CSMD1: variants seen among roughly 807,000 people sequenced by gnomAD.
The protein encoded by CSMD1 is CUB and sushi domain-containing protein 1.
A neutral mutation model predicts 417.5 loss-of-function variants in CSMD1; 213 were observed. The ratio of observed to expected loss-of-function variants is 0.51; its 90% CI spans 0.46 to 0.57. The LOEUF is 0.57. CSMD1 is among the 20% of genes least tolerant of loss of function. The pLI is 0.00. For synonymous variants in CSMD1, 2,862 were observed against 1,736.8 expected, an observed-to-expected ratio of 1.65 and a Z score of -16.11; for missense variants, 6,923 against 4,529.7, an observed-to-expected ratio of 1.53 and a Z score of -15.17.
At chr8:3,065,284 T>C (rs567656257) in intron 49 of CSMD1, among the ~76,000 whole-genome samples, 109 of 131,648 alleles carry the variant, frequency 8.3e-4, no homozygotes, top group African/African-American at 3.0e-3. Flanking sequence ...ATATGATACA[T>C]AGATAGATAG....
intron 3 of CSMD1, among the ~76,000 whole-genome samples, chr8:4,268,796 G>C (rs534647849): frequency 6.6e-6 from 1 of 151,008 alleles, no homozygotes. Context: ...ACATCACAAA[G>C]GACATTATAA....
chr8:3,597,407 A>G (rs1481672664), intron 8 of CSMD1, among the ~76,000 whole-genome samples: 1 of 78,320 alleles, frequency 1.3e-5, no homozygotes, highest in Non-Finnish European at 2.3e-5. Context: ...TGGAATCCCA[A>G]ATAAAGTAGG....
chr8:3,689,152 C>T (rs1006261900), intron 7 of CSMD1, among the ~76,000 whole-genome samples: 15 of 152,146 alleles, frequency 9.9e-5, no homozygotes, highest in Non-Finnish European at 1.2e-4. Flanking sequence ...TGTGAGACAA[C>T]GCGCTCTAAG....
chr8:4,223,353 C>G (rs1202655166), intron 3 of CSMD1, among the ~76,000 whole-genome samples: 1 of 152,252 alleles, frequency 6.6e-6, no homozygotes, highest in South Asian at 2.1e-4. Flanking sequence ...AATTTAAACT[C>G]CTACCTGTAG....
At position 4,836,137 on chromosome 8, in the gene CSMD1, G is replaced by A. The variant is rs1218588076; in HGVS notation, c.85+158195C>T. Among the ~76,000 whole-genome samples, 3 of 152,034 alleles carry A rather than the reference G, an allele frequency of 2.0e-5. 1 individual carries two copies. Among genetic ancestry groups the A allele is most frequent in the Admixed American group, 2.0e-4 (3 of 15,268 alleles). ...TTCAGCTTTCCAATTTGAAATATAG[G>A]TTTTATAAGGCTACTTTAAAACTGG... On this transcript the variant is annotated intron_variant, in intron 1 of 69. Transcript: ENST00000635120.
At chr8:3,723,184 G>A (rs1039088220) in intron 6 of CSMD1, among the ~76,000 whole-genome samples, 11 of 152,098 alleles carry the variant, frequency 7.2e-5, no homozygotes, top group South Asian at 2.1e-4. Context: ...GGGGCCACTC[G>A]GGGCACTCAG....
chr8:4,450,378 A>C (rs181228485), intron 2 of CSMD1, among the ~76,000 whole-genome samples: 2,567 of 152,258 alleles, frequency 0.017, 91 homozygotes, highest in African/African-American at 0.059. Flanking sequence ...CTGTAATCCC[A>C]GCACTTTGGA....
chr8:3,985,403 C>A (rs578006135), intron 5 of CSMD1, among the ~76,000 whole-genome samples: 1 of 151,986 alleles, frequency 6.6e-6, no homozygotes, highest in African/African-American at 2.4e-5. Flanking sequence ...ATACATCTAC[C>A]CTCTTGTCTA....
At chr8:4,028,590 T>C (rs934086963) in intron 4 of CSMD1, among the ~76,000 whole-genome samples, 3 of 152,218 alleles carry the variant, frequency 2.0e-5, no homozygotes, top group Non-Finnish European at 2.9e-5. Flanking sequence ...TGTTACATGA[T>C]GACTTGCAGT....
chr8:4,369,860 G>C (rs1365890107), intron 3 of CSMD1, among the ~76,000 whole-genome samples: 1 of 152,152 alleles, frequency 6.6e-6, no homozygotes, highest in South Asian at 2.1e-4. Flanking sequence ...GAAGACAGCA[G>C]AGAGTTGGGT....
intron 3 of CSMD1, among the ~76,000 whole-genome samples, chr8:4,286,253 G>C (rs191432777): frequency 2.6e-5 from 4 of 152,206 alleles, no homozygotes; most frequent in Admixed American, 2.0e-4. Context: ...TCTCCGCCAT[G>C]CTCTCCATGT....
Position 4,144,898 on chromosome 8 carries a change from T to C in CSMD1, c.416-112799A>G, listed in dbSNP as rs949695336. Among the ~76,000 whole-genome samples the C allele has an allele frequency of 6.0e-5, 9 of 150,968 alleles. 1 individual carries two copies. The highest frequency in any genetic ancestry group is 2.2e-4 in the African/African-American group (9 of 40,344). On this transcript the variant is annotated intron_variant, in intron 3 of 69. Coordinates refer to ENST00000635120, the MANE Select transcript of CSMD1 (RefSeq NM_033225.6). ...GCTGAAATAGAACTAAAAAATAGGC[T>C]TTCAGACTCTATCAGTGAGTGGAGT...
At chr8:3,415,005 T>C (rs867850855) in intron 12 of CSMD1, among the ~76,000 whole-genome samples, 34 of 152,344 alleles carry the variant, frequency 2.2e-4, no homozygotes, top group Middle Eastern at 3.4e-3. Flanking sequence ...ATCTTGGTGA[T>C]TGTTAAATCT....
At chr8:4,846,340 T>C (rs1563573391) in intron 1 of CSMD1, among the ~76,000 whole-genome samples, 1 of 152,216 alleles carries the variant, frequency 6.6e-6, no homozygotes, top group East Asian at 1.9e-4. Flanking sequence ...TGTGTGCATA[T>C]GGGTTTATAG....
chr8:4,856,477 G>T (rs1326263951), intron 1 of CSMD1, among the ~76,000 whole-genome samples: 1 of 139,900 alleles, frequency 7.1e-6, no homozygotes, highest in Admixed American at 6.8e-5. Context: ...TGGCAAATTG[G>T]ATAAATAGTC....
intron 49 of CSMD1, among the ~76,000 whole-genome samples, chr8:3,084,705 A>T (rs1041018831): frequency 2.6e-5 from 4 of 152,044 alleles, no homozygotes; most frequent in African/African-American, 7.2e-5. Context: ...CTGTTGGGGC[A>T]TAAATTGCCA....
chr8:4,664,935 G>A (rs981463425), intron 1 of CSMD1, among the ~76,000 whole-genome samples: 2 of 152,088 alleles, frequency 1.3e-5, no homozygotes, highest in Non-Finnish European at 2.9e-5. Flanking sequence ...GAATGTGTTT[G>A]GGAATTTTAG....
At chr8:3,558,364 G>GAACGGTGCCTC (rs1799272254) in intron 10 of CSMD1, among the ~76,000 whole-genome samples, 18 of 123,626 alleles carry the variant, frequency 1.5e-4, no homozygotes, top group Admixed American at 5.4e-4. Flanking sequence ...CTCCAATGAT[G>GAACGGTGCCTC]AATGGTGCCT....
chr8:4,170,344 C>G (rs1042475004), intron 3 of CSMD1, among the ~76,000 whole-genome samples: 1 of 151,858 alleles, frequency 6.6e-6, no homozygotes, highest in Non-Finnish European at 1.5e-5. Context: ...TCATTTCATG[C>G]AGTTCCGTAT....
Sources: allele counts gnomAD v4.1 joint callset (sites outside exome capture counted in the v4.1 genomes callset), GRCh38; gene constraint gnomAD v4.1.1; transcripts MANE v1.5; gene names NCBI Gene and HGNC (gene_info 2026-07-23, HGNC 2026-07-21).